Variants in GRK3 observed in about 807,000 individuals in gnomAD.
The protein encoded by GRK3 is G protein-coupled receptor kinase 3.
In GRK3, 54 loss-of-function variants were observed where a neutral mutation model predicts 95.7. The ratio of observed to expected loss-of-function variants is 0.56; its 90% CI spans 0.45 to 0.71. The LOEUF is 0.71. Ranked by LOEUF, GRK3 falls within the 30% of genes least tolerant of loss-of-function variation. The pLI is 0.00. For synonymous variants in GRK3, 281 were observed against 290.8 expected (o/e 0.97, Z 0.34); for missense variants, 649 against 851.2 (o/e 0.76, Z 2.96).
chr22:25,625,575 A>G (rs1486133742), intron 2 of GRK3, among the ~76,000 whole-genome samples: 2 of 152,012 alleles, frequency 1.3e-5, no homozygotes, highest in Non-Finnish European at 2.9e-5. Flanking sequence ...TCCCCCGGGG[A>G]AGTTTAGAGA....
At chr22:25,578,199 T>C (rs1010560033) in intron 1 of GRK3, among the ~76,000 whole-genome samples, 2 of 152,044 alleles carry the variant, frequency 1.3e-5, no homozygotes, top group African/African-American at 4.8e-5. Context: ...GAAGAAACAA[T>C]TGCATTTCCA....
chr22:25,623,358 G>A (rs990492236), intron 2 of GRK3, among the ~76,000 whole-genome samples: 8 of 152,194 alleles, frequency 5.3e-5, no homozygotes, highest in African/African-American at 1.4e-4. Context: ...CCTAATTCCC[G>A]CCGTGTAAGC....
At chr22:25,679,533 A>G (rs2085058417) in intron 9 of GRK3, among the ~76,000 whole-genome samples, 1 of 152,192 alleles carries the variant, frequency 6.6e-6, no homozygotes, top group African/African-American at 2.4e-5. Context: ...TTCTTTACTT[A>G]CTAAATAGCT....
intron 2 of GRK3, among the ~76,000 whole-genome samples, chr22:25,610,793 T>C (rs1414313321): frequency 2.6e-5 from 4 of 152,258 alleles, no homozygotes; most frequent in Non-Finnish European, 5.9e-5. Flanking sequence ...TCCATGTCGT[T>C]GTGTGTATCT....
intron 10 of GRK3, among the ~76,000 whole-genome samples, chr22:25,685,794 C>T (rs2085108223): frequency 6.6e-6 from 1 of 151,008 alleles, no homozygotes; most frequent in Non-Finnish European, 1.5e-5. Flanking sequence ...TAGAAGGTGT[C>T]ATGGTATATA....
intron 2 of GRK3, among the ~76,000 whole-genome samples, chr22:25,607,463 G>A (rs150133870): frequency 0.024 from 3,615 of 151,696 alleles, 45 homozygotes; most frequent in East Asian, 0.036. Context: ...CATTGCCCCC[G>A]CCAGCACATG....
intron 2 of GRK3, among the ~76,000 whole-genome samples, chr22:25,608,277 T>G (rs988563882): frequency 5.9e-5 from 9 of 152,222 alleles, no homozygotes; most frequent in Non-Finnish European, 1.3e-4. Flanking sequence ...TGGTGAGTTT[T>G]CTAAATACAA....
At chr22:25,587,691 G>C (rs949350791) in intron 1 of GRK3, among the ~76,000 whole-genome samples, 1 of 152,174 alleles carries the variant, frequency 6.6e-6, no homozygotes, top group African/African-American at 2.4e-5. Context: ...CCCACCTGTG[G>C]TGGGAGGGAC....
At chr22:25,642,835 G>T (rs2084753212) in intron 2 of GRK3, among the ~76,000 whole-genome samples, 1 of 152,134 alleles carries the variant, frequency 6.6e-6, no homozygotes, top group African/African-American at 2.4e-5. Flanking sequence ...AATTGCCTTT[G>T]TATTCTTTTA....
rs573878977 is a variant in GRK3, at chr22:25,589,279, A to G, written c.114-15098A>G. 1.6e-4 allele frequency among the ~76,000 whole-genome samples: 24 copies of G among 152,360 alleles called. No homozygotes were observed. In the South Asian group the frequency reaches 5.0e-3, roughly 32 times the overall value. On this transcript the variant is annotated intron_variant, in intron 1 of 20. Transcript: ENST00000324198. ...ATGTGAGGTTATCTAGCAGTGTCCT[A>G]AACATTGTAGTTTCTCTACCAGTAA... is the stretch of plus-strand genomic sequence containing the variant.
intron 2 of GRK3, among the ~76,000 whole-genome samples, chr22:25,621,765 A>G (rs952194458): frequency 1.3e-5 from 2 of 152,186 alleles, no homozygotes; most frequent in African/African-American, 4.8e-5. Context: ...TGTATCCTCA[A>G]ATACCTGTGA....
chr22:25,669,426 G>C (rs2084963993), intron 6 of GRK3, among the ~76,000 whole-genome samples: 1 of 152,198 alleles, frequency 6.6e-6, no homozygotes, highest in Admixed American at 6.5e-5. Context: ...TGCTCAGCAG[G>C]ACAACGACTG....
chr22:25,579,141 T>G (rs1188351153), intron 1 of GRK3, among the ~76,000 whole-genome samples: 1 of 151,674 alleles, frequency 6.6e-6, no homozygotes, highest in East Asian at 1.9e-4. Context: ...ATGGTTGGGG[T>G]GGCAGGACAG....
At chr22:25,566,248 A>T (rs1019260870) in intron 1 of GRK3, among the ~76,000 whole-genome samples, 1 of 152,206 alleles carries the variant, frequency 6.6e-6, no homozygotes, top group African/African-American at 2.4e-5. Context: ...TTTATGGTGA[A>T]TTTGAAACCA....
intron 2 of GRK3, among the ~76,000 whole-genome samples, chr22:25,638,562 G>T (rs2084720397): frequency 6.6e-6 from 1 of 152,170 alleles, no homozygotes; most frequent in Non-Finnish European, 1.5e-5. Flanking sequence ...ACTCCTAAAA[G>T]GTCTGGGCCA....
At chr22:25,701,874 CAT>C (rs1224393160) in intron 13 of GRK3, among the ~76,000 whole-genome samples, 6 of 152,164 alleles carry the variant, frequency 3.9e-5, no homozygotes, top group African/African-American at 7.2e-5. Context: ...CAACCTCAAA[CAT>C]GTTAATATTT....
chr22:25,568,023 T>C (rs1253351487), intron 1 of GRK3, among the ~76,000 whole-genome samples: 5 of 152,246 alleles, frequency 3.3e-5, no homozygotes, highest in Admixed American at 3.3e-4. Flanking sequence ...GCTGACTGTT[T>C]GTCCAAATGG....
chr22:25,627,032 C>T (rs2084632903), intron 2 of GRK3, among the ~76,000 whole-genome samples: 1 of 152,156 alleles, frequency 6.6e-6, no homozygotes, highest in Non-Finnish European at 1.5e-5. Context: ...CAAGGGCCAT[C>T]TGGGGACAGG....
At chr22:25,672,419 C>T in intron 7 of GRK3, 72 bp downstream of exon 7, 1 of 824,400 alleles carries the variant, frequency 1.2e-6, no homozygotes, top group South Asian at 1.6e-5. Context: ...TGAGAAAATA[C>T]TTGATTCTGG....
Sources: allele counts gnomAD v4.1 joint callset (sites outside exome capture counted in the v4.1 genomes callset), GRCh38; gene constraint gnomAD v4.1.1; transcripts MANE v1.5; gene names NCBI Gene and HGNC (gene_info 2026-07-23, HGNC 2026-07-21).